NBEA: variants seen among roughly 807,000 people sequenced by gnomAD.
NBEA encodes the protein neurobeachin.
NBEA carries 44 observed loss-of-function variants against 343.4 expected under a neutral mutation model. The ratio of observed to expected loss-of-function variants is 0.13; its 90% CI spans 0.10 to 0.16. NBEA has a LOEUF of 0.16. Ranked by LOEUF, NBEA falls within the 10% of genes least tolerant of loss-of-function variation. The probability of loss-of-function intolerance (pLI) is 1.00; values close to 1 mark genes in which losing one functional copy is unlikely to be tolerated. For missense variants in NBEA, 2,555 were observed against 3,631.3 expected (o/e 0.70, Z 7.62); for synonymous variants, 1,175 against 1,238.7 (o/e 0.95, Z 1.08).
At chr13:35,514,756 C>A (rs1467822841) in intron 41 of NBEA, among the ~76,000 whole-genome samples, 1 of 152,022 alleles carries the variant, frequency 6.6e-6, no homozygotes, top group Non-Finnish European at 1.5e-5. Context: ...TTTATCATTC[C>A]AATATATGGC....
rs574615224 is a variant in NBEA at position 35,036,296 on chromosome 13, T to C, written c.295-4637T>C. On this transcript the variant is annotated intron_variant, in intron 1 of 58. Transcript: ENST00000379939. ...AAAGAAAACTAGTAAAAACTTGCCT[T>C]AACTTCATTTCCTTGCTTTTTAACT... Among the ~76,000 whole-genome samples the C allele has an allele frequency of 2.0e-5, 3 of 152,242 alleles. No homozygotes were observed. The South Asian group carries it at 6.2e-4, about 31-fold the overall frequency.
intron 1 of NBEA, among the ~76,000 whole-genome samples, chr13:34,952,103 AAGT>A (rs1020506478): frequency 2.0e-4 from 31 of 152,326 alleles, no homozygotes; most frequent in African/African-American, 7.2e-4. Flanking sequence ...TCTAGGTACT[AAGT>A]AGCACAGCTG....
intron 38 of NBEA, among the ~76,000 whole-genome samples, chr13:35,379,630 A>G (rs2041912221): frequency 6.6e-6 from 1 of 151,548 alleles, no homozygotes; most frequent in African/African-American, 2.4e-5. Flanking sequence ...TTCTTCCAAA[A>G]GCTTTCTTGC....
At chr13:35,645,495 C>T (rs866022170) in intron 49 of NBEA, among the ~76,000 whole-genome samples, 12 of 152,068 alleles carry the variant, frequency 7.9e-5, no homozygotes, top group Middle Eastern at 3.2e-3. Flanking sequence ...AGTTTGAGGG[C>T]TAAAATTATT....
chr13:35,587,065 A>G (rs959842880), intron 46 of NBEA, among the ~76,000 whole-genome samples: 2 of 152,226 alleles, frequency 1.3e-5, no homozygotes, highest in Non-Finnish European at 2.9e-5. Flanking sequence ...TGATCAGACC[A>G]TAAAACCAAA....
Position 35,157,276 on chromosome 13 carries a change from A to G in NBEA, c.2844+6A>G. Reference sequence around the variant, plus strand: ...TCTCAATAGCCCATTCCAAGGTAACACGGGATTTAACATTTTAACATCATC... The same window carrying G: ...TCTCAATAGCCCATTCCAAGGTAACGCGGGATTTAACATTTTAACATCATC... On this transcript the variant is annotated splice_donor_region_variant and intron_variant, in intron 21 of 58. Transcript: ENST00000379939. 1.3e-6 allele frequency: 2 copies of G among 1,519,388 alleles called. No homozygotes were observed. The highest frequency in any genetic ancestry group is 1.8e-6 in the Non-Finnish European group (2 of 1,130,692). The allele number at this position is 1,519,388 out of a possible 1,614,324, so 94.1% of individuals were successfully genotyped here.
chr13:35,338,585 C>T (rs919122243), intron 36 of NBEA, among the ~76,000 whole-genome samples: 2 of 151,980 alleles, frequency 1.3e-5, no homozygotes, highest in Non-Finnish European at 2.9e-5. Flanking sequence ...AAAACATAGA[C>T]GAGGATGAAA....
chr13:34,954,179 T>C (rs2059426207), intron 1 of NBEA, among the ~76,000 whole-genome samples: 1 of 152,066 alleles, frequency 6.6e-6, no homozygotes, highest in African/African-American at 2.4e-5. Flanking sequence ...AGGGTGTGCA[T>C]AGGTTATGTG....
intron 41 of NBEA, chr13:35,474,774 GGCTGTTTACGGAGTGT>G (rs1390443181): frequency 1.5e-5 from 5 of 336,680 alleles, no homozygotes; most frequent in Non-Finnish European, 2.7e-5. Context: ...GTTACAGCTG[GGCTGTTTACGGAGTGT>G]TACGGTGTAC....
intron 36 of NBEA, among the ~76,000 whole-genome samples, chr13:35,334,569 C>T (rs922171685): frequency 1.3e-5 from 2 of 152,180 alleles, no homozygotes; most frequent in African/African-American, 4.8e-5. Context: ...CATGCCCAGC[C>T]TCGTTGTAGT....
At chr13:35,527,116 G>A (rs1019775722) in intron 41 of NBEA, among the ~76,000 whole-genome samples, 33 of 152,032 alleles carry the variant, frequency 2.2e-4, no homozygotes, top group African/African-American at 7.7e-4. Flanking sequence ...CAGCTCTTTC[G>A]GTCATCCAGA....
At chr13:35,181,065 C>T (rs2071282552) in intron 28 of NBEA, among the ~76,000 whole-genome samples, 1 of 151,818 alleles carries the variant, frequency 6.6e-6, no homozygotes, top group Admixed American at 6.6e-5. Context: ...TCTTTATCCA[C>T]TCATTGATTG....
intron 1 of NBEA, among the ~76,000 whole-genome samples, chr13:35,008,073 T>C (rs1013580913): frequency 6.6e-6 from 1 of 152,178 alleles, no homozygotes; most frequent in Non-Finnish European, 1.5e-5. Context: ...GTGTGTAGGC[T>C]TGGGACCCTG....
chr13:35,320,195 G>C (rs886350800), intron 36 of NBEA, among the ~76,000 whole-genome samples: 20 of 152,238 alleles, frequency 1.3e-4, no homozygotes, highest in African/African-American at 4.6e-4. Context: ...AGTGTCGATG[G>C]ACTTTACAAT....
At chr13:35,068,343 T>G (rs1341764845) in intron 8 of NBEA, among the ~76,000 whole-genome samples, 1 of 152,166 alleles carries the variant, frequency 6.6e-6, no homozygotes, top group African/African-American at 2.4e-5. Flanking sequence ...GAGAATATAT[T>G]AAAATTTGTT....
chr13:35,445,792 A>C (rs1017722969), intron 39 of NBEA, among the ~76,000 whole-genome samples: 1 of 78,224 alleles, frequency 1.3e-5, no homozygotes, highest in Admixed American at 1.1e-4. Flanking sequence ...TTATATATAT[A>C]TATATATATA....
intron 16 of NBEA, among the ~76,000 whole-genome samples, chr13:35,121,540 C>G (rs1456257282): frequency 6.7e-6 from 1 of 149,140 alleles, no homozygotes; most frequent in Non-Finnish European, 1.5e-5. Context: ...TTTTTCATTA[C>G]TGATCTTGGT....
chr13:34,997,378 A>T (rs113253277), intron 1 of NBEA, among the ~76,000 whole-genome samples: 25 of 152,326 alleles, frequency 1.6e-4, no homozygotes, highest in Non-Finnish European at 2.8e-4. Flanking sequence ...TTCAGTTTTA[A>T]AATGCAGATA....
intron 41 of NBEA, among the ~76,000 whole-genome samples, chr13:35,518,316 A>C (rs1284085753): frequency 6.6e-6 from 1 of 152,216 alleles, no homozygotes; most frequent in Admixed American, 6.5e-5. Flanking sequence ...TTAAATCCTT[A>C]TAACAACTAT....
Sources: gnomAD v4.1 joint callset for allele counts (sites outside exome capture counted in the v4.1 genomes callset) on GRCh38, gnomAD v4.1.1 for gene constraint, MANE v1.5 for transcripts, NCBI Gene and HGNC (gene_info 2026-07-23, HGNC 2026-07-21) for gene names.